KYNU: variants seen among roughly 807,000 people sequenced by gnomAD.
The protein encoded by KYNU is L-kynurenine hydrolase.
KYNU carries 54 observed loss-of-function variants against 59.2 expected under a neutral mutation model. The observed-to-expected ratio is 0.91, with a 90% confidence interval of 0.73 to 1.14. The LOEUF is 1.14. KYNU is among the 50% of genes most tolerant of loss of function. KYNU has a pLI of 0.00. For missense variants in KYNU, 567 were observed against 554.4 expected, an observed-to-expected ratio of 1.02 and a Z score of -0.23; for synonymous variants, 177 against 192.0, an observed-to-expected ratio of 0.92 and a Z score of 0.65.
Position 143,029,652 on chromosome 2 carries a change from C to T in KYNU, c.928C>T (p.Leu310Phe). 2 of 1,595,688 alleles carry T rather than the reference C, an allele frequency of 1.3e-6. No individual in the cohort carries two copies. Among genetic ancestry groups the T allele is most frequent in the Non-Finnish European group, 1.7e-6 (2 of 1,163,228 alleles). ...PALVGWFGHELSTRFKMDNKL... is the reference protein window; with the variant it reads ...PALVGWFGHEFSTRFKMDNKL... ...ATTAGTGGGATGGTTTGGCCATGAACTCAGCACCAGATTTAAGATGGATAA... is the reference window on the plus strand; with the variant it reads ...ATTAGTGGGATGGTTTGGCCATGAATTCAGCACCAGATTTAAGATGGATAA... Residue 310 changes from leucine to phenylalanine, a missense_variant, in exon 11 of 14, where the codon CTC becomes TTC. Physicochemically the swap from Leu to Phe is conservative, Grantham distance 22 (BLOSUM62 0). Coordinates refer to ENST00000264170, the MANE Select transcript of KYNU (RefSeq NM_003937.3).
chr2:142,986,716 AG>A (rs1271262625), intron 10 of KYNU, among the ~76,000 whole-genome samples: 1 of 151,656 alleles, frequency 6.6e-6, no homozygotes, highest in African/African-American at 2.4e-5. Flanking sequence ...TATGCTGGGA[AG>A]AAAAAAAAAA....
chr2:142,932,767 GGC>G lies in KYNU; in HGVS notation c.373+5028_373+5029del, dbSNP rs550910323. On this transcript the variant is annotated intron_variant, in intron 4 of 13. Coordinates refer to ENST00000264170, the MANE Select transcript of KYNU (RefSeq NM_003937.3). ...GCTTCAATAGTATGTGGGGGCGGGG[GGC>G]GGGGGACACTATAGCATAGCCAGCA... Among the ~76,000 whole-genome samples, 18 of 111,922 alleles carry G rather than the reference GGC, an allele frequency of 1.6e-4. No individual in the cohort carries two copies. The South Asian group carries it at 6.1e-3, about 38-fold the overall frequency. The allele number at this position is 111,922 out of a possible 152,430, so 73.4% of individuals were successfully genotyped here. A position where few individuals can be genotyped will look rare whatever the true frequency, so the allele number is the denominator to read the frequency against.
chr2:143,036,583 C>T (rs1686900914), intron 12 of KYNU, among the ~76,000 whole-genome samples: 1 of 152,308 alleles, frequency 6.6e-6, no homozygotes, highest in South Asian at 2.1e-4. Flanking sequence ...GAGCTAAAAA[C>T]ATAAAGTATA....
chr2:143,021,779 T>C (rs1415536909), intron 10 of KYNU, among the ~76,000 whole-genome samples: 1 of 152,132 alleles, frequency 6.6e-6, no homozygotes, highest in East Asian at 1.9e-4. Context: ...ACATTGGGAA[T>C]TACATTTCAA....
intron 11 of KYNU, among the ~76,000 whole-genome samples, chr2:143,030,833 G>C (rs1005506278): frequency 6.6e-6 from 1 of 152,026 alleles, no homozygotes; most frequent in Non-Finnish European, 1.5e-5. Context: ...CTAATCTATA[G>C]AACATCATAG....
At chr2:142,979,309 A>C (rs1573864862) in intron 8 of KYNU, among the ~76,000 whole-genome samples, 1 of 152,190 alleles carries the variant, frequency 6.6e-6, no homozygotes, top group East Asian at 1.9e-4. Context: ...CAAATTTAAC[A>C]TCACTTTAGA....
intron 12 of KYNU, among the ~76,000 whole-genome samples, chr2:143,035,055 T>G (rs1686856723): frequency 6.6e-6 from 1 of 152,224 alleles, no homozygotes; most frequent in Non-Finnish European, 1.5e-5. Flanking sequence ...CCTACCACAC[T>G]GTATTAGAGT....
intron 2 of KYNU, among the ~76,000 whole-genome samples, chr2:142,893,522 C>T (rs897248604): frequency 1.1e-4 from 17 of 152,198 alleles, no homozygotes; most frequent in East Asian, 5.8e-4. Flanking sequence ...AGTAAAGTAT[C>T]GGAAATGAGA....
intron 2 of KYNU, among the ~76,000 whole-genome samples, chr2:142,896,542 TTTTTG>T (rs1319396554): frequency 7.2e-5 from 11 of 152,130 alleles, no homozygotes; most frequent in African/African-American, 1.9e-4. Context: ...GCTTTTTGTT[TTTTTG>T]TTTTTTGTTT....
intron 8 of KYNU, 84 bp from the exon 9 acceptor site, chr2:142,985,000 G>C: frequency 1.2e-6 from 1 of 854,008 alleles, no homozygotes; most frequent in Non-Finnish European, 2.0e-6. Flanking sequence ...ACAGAAGTTT[G>C]TCAAATGTTT....
intron 10 of KYNU, among the ~76,000 whole-genome samples, chr2:142,997,644 G>A (rs1371339747): frequency 6.6e-6 from 1 of 152,130 alleles, no homozygotes; most frequent in African/African-American, 2.4e-5. Flanking sequence ...CTATGAAAAT[G>A]TATGTTCTTA....
At chr2:143,007,038 CG>C (rs751395111) in intron 10 of KYNU, among the ~76,000 whole-genome samples, 8 of 152,012 alleles carry the variant, frequency 5.3e-5, no homozygotes, top group Non-Finnish European at 1.2e-4. Flanking sequence ...TCACCAGCAA[CG>C]GAACAAAGCT....
At chr2:142,935,495 C>T (rs888771300) in intron 4 of KYNU, among the ~76,000 whole-genome samples, 7 of 151,980 alleles carry the variant, frequency 4.6e-5, no homozygotes, top group Non-Finnish European at 8.8e-5. Context: ...GAGCTAGGGT[C>T]CAGATATGGT....
At chr2:142,918,498 C>A in intron 2 of KYNU, 111 bp from the exon 3 acceptor site, 1 of 1,201,456 alleles carries the variant, frequency 8.3e-7, no homozygotes, top group Non-Finnish European at 1.1e-6. Flanking sequence ...TTTTTAATTA[C>A]TTTTTATCCT....
chr2:143,012,495 A>AC (rs1686136077), intron 10 of KYNU, among the ~76,000 whole-genome samples: 1 of 151,640 alleles, frequency 6.6e-6, no homozygotes, highest in African/African-American at 2.4e-5. Context: ...AAAAACAAAA[A>AC]AAAAAAAAAA....
intron 10 of KYNU, among the ~76,000 whole-genome samples, chr2:143,024,238 A>G (rs1293214481): frequency 6.6e-6 from 1 of 151,942 alleles, no homozygotes; most frequent in Non-Finnish European, 1.5e-5. Context: ...GAGTAAAACT[A>G]TGTTAACTCC....
chr2:142,899,812 T>A (rs1209117327), intron 2 of KYNU, among the ~76,000 whole-genome samples: 2 of 152,192 alleles, frequency 1.3e-5, no homozygotes, highest in African/African-American at 4.8e-5. Flanking sequence ...AGGGGAATAT[T>A]TCTTTGGCAC....
chr2:142,881,940 A>G (rs775537025), intron 1 of KYNU, among the ~76,000 whole-genome samples: 78 of 114,938 alleles, frequency 6.8e-4, no homozygotes, highest in Non-Finnish European at 1.0e-3. Flanking sequence ...TTTTTTGTAG[A>G]GATGACATCT....
intron 10 of KYNU, among the ~76,000 whole-genome samples, chr2:143,025,781 A>C (rs1686535783): frequency 6.6e-6 from 1 of 152,172 alleles, no homozygotes; most frequent in Admixed American, 6.5e-5. Context: ...GAGGATTATT[A>C]AGTTTCTCAT....
Sources: allele counts gnomAD v4.1 joint callset (sites outside exome capture counted in the v4.1 genomes callset), GRCh38; gene constraint gnomAD v4.1.1; transcripts MANE v1.5; gene names NCBI Gene and HGNC (gene_info 2026-07-23, HGNC 2026-07-21).